Variants in IGSF21 observed in about 807,000 individuals in gnomAD.
IGSF21 encodes the protein immunoglobin superfamily member 21.
Under a neutral mutation model 46.8 loss-of-function variants are expected in IGSF21, and 28 were observed. That is an observed-to-expected ratio of 0.60 (90% CI 0.44 to 0.82). IGSF21 has a LOEUF of 0.82. Among genes scored for constraint, IGSF21 ranks in the 40% least tolerant of loss-of-function variants. IGSF21 has a pLI of 0.00. For missense variants in IGSF21, 624 were observed against 665.5 expected (o/e 0.94, Z 0.69); for synonymous variants, 284 against 273.6 (o/e 1.04, Z -0.38).
At chr1:18,191,765 C>A (rs1378174400) in intron 1 of IGSF21, among the ~76,000 whole-genome samples, 2 of 152,146 alleles carry the variant, frequency 1.3e-5, no homozygotes, top group Admixed American at 1.3e-4. Context: ...CTGTTTGGGG[C>A]TTCATCCGGT....
intron 2 of IGSF21, among the ~76,000 whole-genome samples, chr1:18,249,551 T>C (rs997952492): frequency 2.6e-5 from 4 of 152,026 alleles, no homozygotes; most frequent in Non-Finnish European, 5.9e-5. Context: ...TCTCTGGGCT[T>C]GGAGAGCTCA....
intron 1 of IGSF21, among the ~76,000 whole-genome samples, chr1:18,206,647 G>A (rs946455844): frequency 3.9e-5 from 6 of 152,158 alleles, no homozygotes; most frequent in Admixed American, 3.9e-4. Context: ...TGAGCAAAGA[G>A]TCCAATGTAG....
chr1:18,204,027 CCT>C (rs531150178), intron 1 of IGSF21, among the ~76,000 whole-genome samples: 2 of 152,166 alleles, frequency 1.3e-5, no homozygotes, highest in Non-Finnish European at 2.9e-5. Flanking sequence ...ATGTGACCAA[CCT>C]CTGTTTCTGA....
At chr1:18,237,519 C>T (rs9699571) in intron 2 of IGSF21, among the ~76,000 whole-genome samples, 14 of 152,314 alleles carry the variant, frequency 9.2e-5, no homozygotes, top group Admixed American at 4.6e-4. Context: ...TCCCCCGTGG[C>T]GCAGGGGAAA....
At chr1:18,140,731 C>T (rs1041529759) in intron 1 of IGSF21, among the ~76,000 whole-genome samples, 17 of 152,212 alleles carry the variant, frequency 1.1e-4, no homozygotes, top group African/African-American at 3.1e-4. Flanking sequence ...TCCCTGACTA[C>T]GCCCTGTGCT....
chr1:18,371,436 G>A (rs1324138533), intron 6 of IGSF21, among the ~76,000 whole-genome samples: 1 of 152,114 alleles, frequency 6.6e-6, no homozygotes, highest in Non-Finnish European at 1.5e-5. Flanking sequence ...GCTGGGTATG[G>A]TAGCTCATGC....
At chr1:18,129,818 G>A (rs1467207699) in intron 1 of IGSF21, among the ~76,000 whole-genome samples, 1 of 152,144 alleles carries the variant, frequency 6.6e-6, no homozygotes, top group East Asian at 1.9e-4. Flanking sequence ...ATTAGGTCAC[G>A]CGGGCTCCAC....
In IGSF21 at chr1:18,362,297, G is replaced by A. The variant is rs373316980; in HGVS notation, c.540+67G>A. 4.3e-6 allele frequency: 5 copies of A among 1,155,970 alleles called. No homozygotes were observed. The South Asian group carries it at 5.3e-5, about 12-fold the overall frequency. 71.6% of individuals were successfully genotyped at this position (1,155,970 alleles called of 1,614,324 possible). A position where few individuals can be genotyped will look rare whatever the true frequency, so the allele number is the denominator to read the frequency against. ...ACCACCCTGCTTCGGGGCTGGTCCA[G>A]CTGCAGGTGTCGCCACTGTGCCTGG... On this transcript the variant is annotated intron_variant, in intron 5 of 9. Transcript: ENST00000251296.
At chr1:18,272,156 G>A (rs1317913004) in intron 2 of IGSF21, among the ~76,000 whole-genome samples, 1 of 152,176 alleles carries the variant, frequency 6.6e-6, no homozygotes, top group East Asian at 1.9e-4. Flanking sequence ...TGAGAACCAA[G>A]TGAAAGGGTT....
At position 18,117,484 on chromosome 1, in the gene IGSF21, T is replaced by C. The variant is rs182071097; in HGVS notation, c.70+9286T>C. ...GTCCAATTTGTGGACTCAAGTAACC[T>C]CTTCATTATTTTACCCTTGGTTTCT... On this transcript the variant is annotated intron_variant, in intron 1 of 9. Transcript: ENST00000251296. Among the ~76,000 whole-genome samples the C allele has an allele frequency of 8.7e-4, 133 of 152,312 alleles. 1 individual carries two copies. The highest frequency in any genetic ancestry group is 3.4e-3 in the Middle Eastern group (1 of 292).
intron 1 of IGSF21, among the ~76,000 whole-genome samples, chr1:18,201,247 C>T (rs1314449158): frequency 6.6e-6 from 1 of 152,030 alleles, no homozygotes; most frequent in African/African-American, 2.4e-5. Context: ...GATGGAGCTC[C>T]CTGGAGGTCA....
At chr1:18,192,286 G>A (rs2086965478) in intron 1 of IGSF21, among the ~76,000 whole-genome samples, 1 of 152,142 alleles carries the variant, frequency 6.6e-6, no homozygotes, top group African/African-American at 2.4e-5. Flanking sequence ...GCAGACTGGG[G>A]CATGAACACG....
chr1:18,310,297 G>A (rs2085476758), intron 3 of IGSF21, among the ~76,000 whole-genome samples: 1 of 152,198 alleles, frequency 6.6e-6, no homozygotes, highest in Non-Finnish European at 1.5e-5. Context: ...AGCCCCTCAT[G>A]AGGTTTCCTT....
intron 1 of IGSF21, among the ~76,000 whole-genome samples, chr1:18,160,810 A>G (rs1297667752): frequency 6.6e-6 from 1 of 152,120 alleles, no homozygotes; most frequent in Non-Finnish European, 1.5e-5. Context: ...AGCAGATCCT[A>G]TTGCTGACAA....
In IGSF21 at chr1:18,365,647, A is replaced by C; in HGVS notation, c.965A>C (p.Glu322Ala). 1 of 1,614,180 alleles carries C rather than the reference A, an allele frequency of 6.2e-7. No individual in the cohort carries two copies. Among genetic ancestry groups the C allele is most frequent in the South Asian group, 1.1e-5 (1 of 91,080 alleles). The change falls in exon 6 of 10, where the codon GAG (glutamate) becomes GCG (alanine). Residue 322 changes from glutamate (E) to alanine (A), a missense_variant. Glu to Ala is a moderately radical substitution (Grantham distance 107, BLOSUM62 -1). Coordinates refer to ENST00000251296, the MANE Select transcript of IGSF21 (RefSeq NM_032880.5). This position sits in a 1 kb window ranked among gnomAD's most constrained non-coding sequence, Gnocchi z 4.8. ...GACAACGAGGCCCTCTTCAGCTGCG[A>C]GGTCAAGCACCCAGCTCTGTCGATG... ...QIDNEALFSC[E>A]VKHPALSMPM...
chr1:18,308,409 C>T (rs557697287), intron 3 of IGSF21, among the ~76,000 whole-genome samples: 6 of 152,098 alleles, frequency 3.9e-5, no homozygotes, highest in South Asian at 4.1e-4. Flanking sequence ...CCAAGTGCGG[C>T]GGGATGATTG....
intron 1 of IGSF21, among the ~76,000 whole-genome samples, chr1:18,179,747 G>A (rs1238023578): frequency 6.6e-6 from 1 of 152,138 alleles, no homozygotes; most frequent in African/African-American, 2.4e-5. Context: ...CCCAAGGGAT[G>A]TGAGGATCTG....
intron 3 of IGSF21, among the ~76,000 whole-genome samples, chr1:18,301,905 G>C (rs187953758): frequency 5.9e-4 from 90 of 152,314 alleles, no homozygotes; most frequent in African/African-American, 2.1e-3. Flanking sequence ...GACCTGGGAA[G>C]CCAGTGCCCT....
At chr1:18,312,114 G>A (rs1569786835) in intron 3 of IGSF21, among the ~76,000 whole-genome samples, 1 of 152,136 alleles carries the variant, frequency 6.6e-6, no homozygotes, top group African/African-American at 2.4e-5. Flanking sequence ...TCACTTGTTT[G>A]CCCATCTCTT....
Sources: allele counts gnomAD v4.1 joint callset (sites outside exome capture counted in the v4.1 genomes callset), GRCh38; gene constraint gnomAD v4.1.1; non-coding constraint Gnocchi (gnomAD v3.1); transcripts MANE v1.5; gene names NCBI Gene and HGNC (gene_info 2026-07-23, HGNC 2026-07-21).